ADAM22: variants seen among roughly 807,000 people sequenced by gnomAD.
The protein encoded by ADAM22 is ADAM metallopeptidase domain 22.
Under a neutral mutation model 144.6 loss-of-function variants are expected in ADAM22, and 65 were observed. That is an observed-to-expected ratio of 0.45 (90% CI 0.37 to 0.55). The LOEUF (loss-of-function observed/expected upper bound fraction) is 0.55, where lower values mean the gene tolerates loss of function less well. Among genes scored for constraint, ADAM22 ranks in the 20% least tolerant of loss-of-function variants. The pLI is 0.00. For missense variants in ADAM22, 974 were observed against 1,184.9 expected (o/e 0.82, Z 2.61); for synonymous variants, 391 against 412.6 (o/e 0.95, Z 0.63).
intron 22 of ADAM22, among the ~76,000 whole-genome samples, chr7:88,162,675 A>G (rs1454822161): frequency 6.6e-6 from 1 of 152,096 alleles, no homozygotes; most frequent in Non-Finnish European, 1.5e-5. Context: ...TACATATGCA[A>G]TCTTTTTGGG....
At chr7:87,994,383 G>C (rs1172143024) in intron 3 of ADAM22, among the ~76,000 whole-genome samples, 7 of 152,150 alleles carry the variant, frequency 4.6e-5, no homozygotes, top group African/African-American at 1.7e-4. Context: ...GGATGGTCTC[G>C]ATCTCCTGAC....
At chr7:88,028,402 A>G (rs1450902571) in intron 3 of ADAM22, among the ~76,000 whole-genome samples, 1 of 152,156 alleles carries the variant, frequency 6.6e-6, no homozygotes, top group Admixed American at 6.5e-5. Context: ...GGCCTAATAT[A>G]TGGTCTATTC....
At chr7:88,073,581 C>A (rs570643482) in intron 3 of ADAM22, among the ~76,000 whole-genome samples, 1 of 152,314 alleles carries the variant, frequency 6.6e-6, no homozygotes, top group South Asian at 2.1e-4. Flanking sequence ...AAATTCCAAT[C>A]CTCAAATCAC....
chr7:88,183,408 A>G (rs1847564942), intron 29 of ADAM22, among the ~76,000 whole-genome samples: 1 of 152,124 alleles, frequency 6.6e-6, no homozygotes, highest in African/African-American at 2.4e-5. Flanking sequence ...TTCCTATAAC[A>G]AGACTTCAAA....
At chr7:88,056,065 G>A (rs143044590) in intron 3 of ADAM22, among the ~76,000 whole-genome samples, 1 of 152,274 alleles carries the variant, frequency 6.6e-6, no homozygotes, top group East Asian at 1.9e-4. Flanking sequence ...TTAGTCCTGT[G>A]CAATACCTAG....
At chr7:88,112,905 G>A (rs546723046) in intron 5 of ADAM22, among the ~76,000 whole-genome samples, 1 of 152,186 alleles carries the variant, frequency 6.6e-6, no homozygotes, top group South Asian at 2.1e-4. Context: ...TAGAGAGAGA[G>A]TCTTGCCACT....
At chr7:87,951,931 G>A (rs532406099) in intron 2 of ADAM22, among the ~76,000 whole-genome samples, 1 of 145,220 alleles carries the variant, frequency 6.9e-6, no homozygotes, top group Non-Finnish European at 1.5e-5. Context: ...CTCATGATTT[G>A]GCTCTCTGTT....
chr7:88,131,623 T>A, intron 11 of ADAM22, 188 bp downstream of exon 11: 1 of 569,622 alleles, frequency 1.8e-6, no homozygotes, highest in East Asian at 2.8e-5. Context: ...AAGTTTTAAT[T>A]TTGAGTTATT....
chr7:88,181,871 A>T lies in ADAM22; in HGVS notation c.2597-87A>T, dbSNP rs1847117011. ...GTGTTCCACAGTGGTGCTGCTTATC[A>T]ATTATACCCACTTGAAATGCCTCGT... On this transcript the variant is annotated intron_variant, in intron 28 of 31. Transcript: ENST00000413139. 2.5e-6 allele frequency: 3 copies of T among 1,193,426 alleles called. No homozygotes were observed. In the Admixed American group the frequency reaches 5.9e-5, roughly 23 times the overall value. The allele number at this position is 1,193,426 out of a possible 1,614,324, so 73.9% of individuals were successfully genotyped here.
intron 21 of ADAM22, 62 bp from the exon 22 acceptor site, chr7:88,155,825 C>T: frequency 6.4e-7 from 1 of 1,552,390 alleles, no homozygotes; most frequent in Non-Finnish European, 8.7e-7. Context: ...GAAGATTATT[C>T]TAACTGTACA....
At chr7:88,159,898 G>C (rs550450456) in intron 22 of ADAM22, among the ~76,000 whole-genome samples, 6 of 152,080 alleles carry the variant, frequency 3.9e-5, no homozygotes, top group Non-Finnish European at 8.8e-5. Flanking sequence ...TGGAAGTCCT[G>C]GCCAGAGCAA....
chr7:88,079,136 A>C (rs1445794211), intron 4 of ADAM22, among the ~76,000 whole-genome samples: 2 of 152,034 alleles, frequency 1.3e-5, no homozygotes, highest in Non-Finnish European at 2.9e-5. Context: ...CATCAGACTA[A>C]CAGCTGATCT....
intron 13 of ADAM22, among the ~76,000 whole-genome samples, chr7:88,135,720 A>C (rs547008730): frequency 1.3e-5 from 2 of 152,314 alleles, no homozygotes; most frequent in East Asian, 3.9e-4. Context: ...AAGCCATTTT[A>C]AATAAATGGT....
In ADAM22 at chr7:88,200,567, GCAT is replaced by G. The variant is rs562182765; in HGVS notation, c.*4080_*4082del. 8 of 152,300 alleles carry G rather than the reference GCAT, an allele frequency of 5.3e-5. No homozygotes were observed. Among genetic ancestry groups the G allele is most frequent in the African/African-American group, 1.4e-4 (6 of 41,570 alleles). The allele number at this position is 152,300 out of a possible 1,614,324, so 9.4% of individuals were successfully genotyped here. ...ATGAAACACTTGACTGCCATTTGCAGCATCATATCTACTTTTTATGCACCTAAT... is the reference window on the plus strand; with the variant it reads ...ATGAAACACTTGACTGCCATTTGCAGCATATCTACTTTTTATGCACCTAAT... On this transcript the variant is annotated 3_prime_UTR_variant, in exon 32 of 32. Coordinates refer to ENST00000413139, the MANE Select transcript of ADAM22 (RefSeq NM_001324418.2).
intron 5 of ADAM22, among the ~76,000 whole-genome samples, chr7:88,113,988 T>C (rs1442971863): frequency 6.6e-6 from 1 of 151,840 alleles, no homozygotes; most frequent in African/African-American, 2.4e-5. Context: ...TTTATCTCTT[T>C]GGGTTTCAGT....
At chr7:88,154,021 C>G (rs1334754775) in intron 21 of ADAM22, among the ~76,000 whole-genome samples, 1 of 152,206 alleles carries the variant, frequency 6.6e-6, no homozygotes, top group African/African-American at 2.4e-5. Context: ...GTACCCAGCA[C>G]TGATTGAGTG....
At chr7:87,972,972 C>G (rs1850847577) in intron 2 of ADAM22, among the ~76,000 whole-genome samples, 1 of 152,172 alleles carries the variant, frequency 6.6e-6, no homozygotes, top group African/African-American at 2.4e-5. Flanking sequence ...AAATGGTAAA[C>G]CTAAAACCAT....
intron 3 of ADAM22, among the ~76,000 whole-genome samples, chr7:88,012,903 C>T (rs1445449295): frequency 2.6e-5 from 4 of 151,972 alleles, no homozygotes; most frequent in East Asian, 1.9e-4. Context: ...GGAGAGTAGC[C>T]GTTTGTTCTG....
At chr7:87,996,551 C>A (rs1473318563) in intron 3 of ADAM22, among the ~76,000 whole-genome samples, 1 of 152,200 alleles carries the variant, frequency 6.6e-6, no homozygotes, top group Non-Finnish European at 1.5e-5. Context: ...ATTTCCACAT[C>A]TGAATTTGAG....
Sources: gnomAD v4.1 joint callset for allele counts (sites outside exome capture counted in the v4.1 genomes callset) on GRCh38, gnomAD v4.1.1 for gene constraint, MANE v1.5 for transcripts, NCBI Gene and HGNC (gene_info 2026-07-23, HGNC 2026-07-21) for gene names.